MYO5A: variants seen among roughly 807,000 people sequenced by gnomAD.
The protein encoded by MYO5A is unconventional myosin-Va.
A neutral mutation model predicts 249.7 loss-of-function variants in MYO5A; 98 were observed. The observed-to-expected ratio is 0.39, with a 90% CI of 0.33 to 0.46. The LOEUF (loss-of-function observed/expected upper bound fraction) is 0.46, where lower values mean the gene tolerates loss of function less well. MYO5A is among the 20% of genes least tolerant of loss of function. The pLI is 0.98. For missense variants in MYO5A, 1,696 were observed against 2,308.8 expected (o/e 0.73, Z 5.44); for synonymous variants, 778 against 810.6 (o/e 0.96, Z 0.68).
At chr15:52,520,597 A>G (rs2077597515) in intron 1 of MYO5A, among the ~76,000 whole-genome samples, 1 of 152,218 alleles carries the variant, frequency 6.6e-6, no homozygotes, top group South Asian at 2.1e-4. Flanking sequence ...TTTAAGTCAC[A>G]TGAGCAAATA....
intron 1 of MYO5A, among the ~76,000 whole-genome samples, chr15:52,524,817 A>G (rs1322097919): frequency 2.0e-5 from 3 of 151,786 alleles, no homozygotes; most frequent in Non-Finnish European, 4.4e-5. Context: ...ACAGTGAGCC[A>G]TGTTCATTTC....
At chr15:52,351,555 G>A (rs1192984030) in intron 27 of MYO5A, 74 bp from the exon 28 acceptor site, 2 of 1,386,216 alleles carry the variant, frequency 1.4e-6, no homozygotes, top group South Asian at 2.3e-5. Flanking sequence ...CTTCTCCCAA[G>A]CTGGTAGAAG....
At chr15:52,392,457 C>G (rs995212601) in intron 11 of MYO5A, among the ~76,000 whole-genome samples, 1 of 152,250 alleles carries the variant, frequency 6.6e-6, no homozygotes, top group African/African-American at 2.4e-5. Context: ...GCCCTCCAGG[C>G]TACTGAATCA....
Position 52,509,134 on chromosome 15 carries a change from G to A in MYO5A, c.27+19646C>T, listed in dbSNP as rs180838070. Among the ~76,000 whole-genome samples the A allele has an allele frequency of 2.0e-3, 304 of 152,200 alleles. 4 individuals carry two copies. Among genetic ancestry groups the A allele is most frequent in the Admixed American group, 0.016 (237 of 15,286 alleles). ...CTATGGGCATGTGCCACCACACCCAGCTAATATTTTAATTTTTTGTAGAGA... is the reference window on the plus strand; with the variant it reads ...CTATGGGCATGTGCCACCACACCCAACTAATATTTTAATTTTTTGTAGAGA... On this transcript the variant is annotated intron_variant, in intron 1 of 41. Coordinates refer to ENST00000399233, the MANE Select transcript of MYO5A (RefSeq NM_001382347.1).
intron 37 of MYO5A, 30 bp downstream of exon 37, chr15:52,323,325 A>G (rs746331490): frequency 1.3e-6 from 2 of 1,565,574 alleles, no homozygotes; most frequent in African/African-American, 2.7e-5. Context: ...AAAGTATAGC[A>G]TGCTGGTTTT....
chr15:52,471,610 C>CACACAA (rs2076472344), intron 1 of MYO5A, among the ~76,000 whole-genome samples: 2 of 151,590 alleles, frequency 1.3e-5, no homozygotes, highest in South Asian at 4.2e-4. Context: ...CACACACACA[C>CACACAA]ACACACACAC....
chr15:52,472,398 A>AT lies in MYO5A; in HGVS notation c.28-39114dup, dbSNP rs545504001. Among the ~76,000 whole-genome samples, 157 of 150,542 alleles carry AT rather than the reference A, an allele frequency of 1.0e-3. 1 individual carries two copies. The highest frequency in any genetic ancestry group is 3.3e-3 in the East Asian group (17 of 5,118). On this transcript the variant is annotated intron_variant, in intron 1 of 41. Transcript: ENST00000399233. ...CTGGCCCTATCCAGACATTTTTTTC[A>AT]TTTTTTTTTATTATACTTTAAGTTC...
intron 20 of MYO5A, among the ~76,000 whole-genome samples, chr15:52,372,991 C>G (rs2041209230): frequency 6.6e-6 from 1 of 151,278 alleles, no homozygotes; most frequent in African/African-American, 2.4e-5. Context: ...AGATGACACT[C>G]TTGTTTACCA....
At chr15:52,424,881 G>A (rs149509849) in intron 4 of MYO5A, among the ~76,000 whole-genome samples, 225 of 152,248 alleles carry the variant, frequency 1.5e-3, no homozygotes, top group African/African-American at 5.2e-3. Flanking sequence ...AAATGTTAGG[G>A]TTCCATGGTT....
chr15:52,524,659 C>G (rs1203477695), intron 1 of MYO5A, among the ~76,000 whole-genome samples: 1 of 151,470 alleles, frequency 6.6e-6, no homozygotes, highest in East Asian at 1.9e-4. Context: ...AGGAGGATCA[C>G]TTGAGTCCAG....
rs570438473 is a variant in MYO5A, at chr15:52,423,356, A to T, written c.455+2474T>A. Among the ~76,000 whole-genome samples, 242 of 151,980 alleles carry T rather than the reference A, an allele frequency of 1.6e-3. 1 individual carries two copies. Among genetic ancestry groups the T allele is most frequent in the Middle Eastern group, 6.8e-3 (2 of 294 alleles). On this transcript the variant is annotated intron_variant, in intron 4 of 41. Coordinates refer to ENST00000399233, the MANE Select transcript of MYO5A (RefSeq NM_001382347.1). ...TCACGAGGTCAGGAGATAGAGACCA[A>T]CCTGGCTAACACAGTGAAACCCCGT...
chr15:52,321,514 A>G lies in MYO5A; in HGVS notation c.4801-5T>C, dbSNP rs768445814. 22 of 1,614,012 alleles carry G rather than the reference A, an allele frequency of 1.4e-5. No individual in the cohort carries two copies. Among genetic ancestry groups the G allele is most frequent in the Non-Finnish European group, 1.9e-5 (22 of 1,179,970 alleles). On this transcript the variant is annotated splice_polypyrimidine_tract_variant and splice_region_variant and intron_variant, in intron 37 of 41. Coordinates refer to ENST00000399233, the MANE Select transcript of MYO5A (RefSeq NM_001382347.1). ...TGTGTTGTGCTTCATAAAGCCCTAG[A>G]GTCATAAGGCAAAGTTAATGATACA...
At chr15:52,479,479 A>G (rs1165324183) in intron 1 of MYO5A, among the ~76,000 whole-genome samples, 1 of 152,136 alleles carries the variant, frequency 6.6e-6, no homozygotes, top group African/African-American at 2.4e-5. Context: ...ATTTTTAAAA[A>G]TCCATGTGTA....
rs1369432877 is a variant in MYO5A, at chr15:52,308,750, CCAGG to C, written c.*4942_*4945del. The C allele has an allele frequency of 1.3e-5, 2 of 152,718 alleles. No homozygotes were observed. 9.5% of individuals were successfully genotyped at this position (152,718 alleles called of 1,614,324 possible). On this transcript the variant is annotated 3_prime_UTR_variant, in exon 42 of 42. Coordinates refer to ENST00000399233, the MANE Select transcript of MYO5A (RefSeq NM_001382347.1). The stretch of plus-strand genomic sequence containing the variant: ...TGAGAAACAGGGCAAGATATCCCTT[CCAGG>C]CAAGATATCCTTTACAGAAGAAAAG...
intron 30 of MYO5A, among the ~76,000 whole-genome samples, chr15:52,346,110 A>T (rs1350220610): frequency 6.6e-6 from 1 of 152,328 alleles, no homozygotes; most frequent in East Asian, 1.9e-4. Context: ...TAAAGCTAAG[A>T]CATTAAATAT....
At chr15:52,519,283 A>G (rs1366192422) in intron 1 of MYO5A, among the ~76,000 whole-genome samples, 1 of 152,214 alleles carries the variant, frequency 6.6e-6, no homozygotes, top group Non-Finnish European at 1.5e-5. Context: ...AGAAATCAGT[A>G]AGAAAGGTGA....
Position 52,323,437 on chromosome 15 carries a change from C to T in MYO5A, c.4718G>A (p.Gly1573Asp), listed in dbSNP as rs1157793917. Residue 1573 changes from glycine (G) to aspartate (D), a missense_variant, in exon 37 of 42, where the codon GGT becomes GAT. Gly to Asp is a moderately conservative substitution (Grantham distance 94). This residue lies in a region of MYO5A where 625 missense variants were observed against 908.1 expected (regional missense o/e 0.69). Coordinates refer to ENST00000399233, the MANE Select transcript of MYO5A (RefSeq NM_001382347.1). ...GAAGGAGACGGTTTCAAAATCATCA[C>T]CTCTTTTCTGAAAGAGAGAATAAGT... The part of the protein sequence containing the change: ...NSIKKVLKKR[G>D]DDFETVSFWL... 2 of 1,612,600 alleles carry T rather than the reference C, an allele frequency of 1.2e-6. No individual in the cohort carries two copies. The highest frequency in any genetic ancestry group is 8.5e-7 in the Non-Finnish European group (1 of 1,178,758).
intron 1 of MYO5A, among the ~76,000 whole-genome samples, chr15:52,500,941 T>C (rs930537174): frequency 6.6e-6 from 1 of 151,976 alleles, no homozygotes; most frequent in Admixed American, 6.5e-5. Flanking sequence ...TATTTAAATA[T>C]TGTTTGTATT....
In MYO5A at chr15:52,433,927, T is replaced by C. The variant is rs1168017134; in HGVS notation, c.28-642A>G. ...TTTTGAAGCTATGGTGTTGTGGTTC[T>C]GCCAGTTTCAACAGCACTGCCATCT... On this transcript the variant is annotated intron_variant, in intron 1 of 41. Transcript: ENST00000399233. Among the ~76,000 whole-genome samples the C allele has an allele frequency of 2.0e-5, 3 of 152,144 alleles. No individual in the cohort carries two copies. In the East Asian group the frequency reaches 5.8e-4, roughly 29 times the overall value.
Sources: allele counts gnomAD v4.1 joint callset (sites outside exome capture counted in the v4.1 genomes callset), GRCh38; gene constraint gnomAD v4.1.1; regional missense constraint gnomAD v4.1.1; transcripts MANE v1.5; gene names NCBI Gene and HGNC (gene_info 2026-07-23, HGNC 2026-07-21).